RSPO3: variants seen among roughly 807,000 people sequenced by gnomAD.
RSPO3 encodes R-spondin-3.
In RSPO3, 17 loss-of-function variants were observed where a neutral mutation model predicts 36.5. That is an observed-to-expected ratio of 0.47 (90% CI 0.32 to 0.70). The LOEUF (loss-of-function observed/expected upper bound fraction) is 0.70, where lower values mean the gene tolerates loss of function less well. Ranked by LOEUF, RSPO3 falls within the 30% of genes least tolerant of loss-of-function variation. RSPO3 has a pLI of 0.04. For synonymous variants in RSPO3, 108 were observed against 107.0 expected, an observed-to-expected ratio of 1.01 and a Z score of -0.06; for missense variants, 294 against 322.5, an observed-to-expected ratio of 0.91 and a Z score of 0.68.
chr6:127,121,713 G>C (rs1479749402), intron 1 of RSPO3, among the ~76,000 whole-genome samples: 1 of 152,168 alleles, frequency 6.6e-6, no homozygotes, highest in Non-Finnish European at 1.5e-5. Context: ...CACAAACTCA[G>C]ATATACCGTT....
chr6:127,119,269 G>T lies in RSPO3; in HGVS notation c.77G>T (p.Arg26Leu), dbSNP rs376837015. ...TACATCGGCAGCCAAAACGCCTCCC[G>T]GGGAAGGCGCCAGCGAAGAAGTAAG... is the stretch of plus-strand genomic sequence containing the variant. ...MEYIGSQNASRGRRQRRMHPN... is the reference protein window; with the variant it reads ...MEYIGSQNASLGRRQRRMHPN... The change falls in exon 1 of 5, where the codon CGG (arginine) becomes CTG (leucine). Residue 26 changes from arginine (R) to leucine (L), a missense_variant. Around this residue, in one of 3 missense-constraint regions of RSPO3, gnomAD observed 61 missense variants for 51.3 expected, o/e 1.19. Transcript: ENST00000356698. 1.2e-6 allele frequency: 2 copies of T among 1,612,064 alleles called. No homozygotes were observed. The highest frequency in any genetic ancestry group is 1.3e-5 in the African/African-American group (1 of 75,008).
At chr6:127,151,473 T>G (rs965426580) in intron 3 of RSPO3, among the ~76,000 whole-genome samples, 5 of 151,948 alleles carry the variant, frequency 3.3e-5, no homozygotes, top group African/African-American at 1.2e-4. Context: ...GAACCTTTGA[T>G]GCTGCGGTGA....
At chr6:127,125,185 TTAAA>T (rs1284991408) in intron 1 of RSPO3, among the ~76,000 whole-genome samples, 9 of 152,132 alleles carry the variant, frequency 5.9e-5, no homozygotes, top group Admixed American at 5.9e-4. Context: ...GATTGTCCAA[TTAAA>T]TAAATATTTA....
At position 127,197,195 on chromosome 6, in the gene RSPO3, C is replaced by A; in HGVS notation, c.*1188C>A. On this transcript the variant is annotated 3_prime_UTR_variant, in exon 5 of 5. Coordinates refer to ENST00000356698, the MANE Select transcript of RSPO3 (RefSeq NM_032784.5). ...CTCAGTAATATTTGTTTTTTGAATCCACCTTTATCTGAGCCAATGGAGATT... is the reference window on the plus strand; with the variant it reads ...CTCAGTAATATTTGTTTTTTGAATCAACCTTTATCTGAGCCAATGGAGATT... 2.2e-6 allele frequency: 1 copy of A among 453,770 alleles called. No individual in the cohort carries two copies. Among genetic ancestry groups the A allele is most frequent in the Non-Finnish European group, 3.8e-6 (1 of 261,108 alleles). The allele number at this position is 453,770 out of a possible 1,614,324, so 28.1% of individuals were successfully genotyped here.
chr6:127,170,427 C>CCACACA (rs1266971561), intron 4 of RSPO3, among the ~76,000 whole-genome samples: 1 of 113,558 alleles, frequency 8.8e-6, no homozygotes, highest in African/African-American at 3.0e-5. Context: ...CATGGTGGTT[C>CCACACA]CACACATACA....
chr6:127,148,382 A>G (rs750398686), intron 1 of RSPO3, among the ~76,000 whole-genome samples: 6 of 151,580 alleles, frequency 4.0e-5, no homozygotes, highest in Non-Finnish European at 8.8e-5. Context: ...GAGACTATGT[A>G]TACACACACA....
intron 4 of RSPO3, among the ~76,000 whole-genome samples, chr6:127,180,493 A>G (rs866224796): frequency 1.7e-3 from 242 of 141,308 alleles, no homozygotes; most frequent in African/African-American, 6.4e-3. Context: ...AAAACAAAAA[A>G]AAAAAAAAAA....
intron 4 of RSPO3, among the ~76,000 whole-genome samples, chr6:127,188,532 A>C (rs1775342923): frequency 1.3e-5 from 2 of 152,074 alleles, no homozygotes; most frequent in East Asian, 3.9e-4. Flanking sequence ...TAACAGTAGT[A>C]GTCTAATGGA....
At chr6:127,120,456 G>A (rs575593249) in intron 1 of RSPO3, among the ~76,000 whole-genome samples, 28 of 152,358 alleles carry the variant, frequency 1.8e-4, no homozygotes, top group African/African-American at 6.7e-4. Context: ...TCGCACCTCC[G>A]CGGCGTGCAG....
intron 1 of RSPO3, among the ~76,000 whole-genome samples, chr6:127,120,766 A>T (rs192652465): frequency 2.4e-4 from 37 of 152,344 alleles, no homozygotes; most frequent in Non-Finnish European, 5.1e-4. Context: ...GCCGGGCCTC[A>T]CCGCCTTTAG....
At chr6:127,180,085 T>C (rs1448049126) in intron 4 of RSPO3, among the ~76,000 whole-genome samples, 1 of 151,816 alleles carries the variant, frequency 6.6e-6, no homozygotes, top group Non-Finnish European at 1.5e-5. Context: ...TGTAAACAAA[T>C]AAATGCAAAA....
At chr6:127,158,193 T>G (rs1774631477) in intron 4 of RSPO3, among the ~76,000 whole-genome samples, 1 of 152,006 alleles carries the variant, frequency 6.6e-6, no homozygotes, top group Admixed American at 6.6e-5. Context: ...TTATTTTAAG[T>G]AGGGTAAGCA....
At chr6:127,192,303 TTAA>T (rs775041093) in intron 4 of RSPO3, among the ~76,000 whole-genome samples, 14 of 152,252 alleles carry the variant, frequency 9.2e-5, no homozygotes, top group African/African-American at 1.4e-4. Flanking sequence ...GTGCAAGGGG[TTAA>T]TAATATTAGT....
chr6:127,175,141 CATTT>C (rs1440949874), intron 4 of RSPO3, among the ~76,000 whole-genome samples: 2 of 151,730 alleles, frequency 1.3e-5, no homozygotes, highest in African/African-American at 4.8e-5. Context: ...TTCAATAATT[CATTT>C]GTCTCCTAAT....
At chr6:127,159,166 G>C (rs1298143857) in intron 4 of RSPO3, among the ~76,000 whole-genome samples, 1 of 152,132 alleles carries the variant, frequency 6.6e-6, no homozygotes, top group East Asian at 1.9e-4. Context: ...GGGTATATTT[G>C]TGTATGTGGT....
intron 1 of RSPO3, among the ~76,000 whole-genome samples, chr6:127,147,789 G>A (rs1360362705): frequency 6.6e-6 from 1 of 152,074 alleles, no homozygotes; most frequent in Non-Finnish European, 1.5e-5. Context: ...AAGGTAGACT[G>A]GTCCATTCTC....
chr6:127,130,653 C>A (rs929999710), intron 1 of RSPO3, among the ~76,000 whole-genome samples: 5 of 151,958 alleles, frequency 3.3e-5, no homozygotes, highest in Non-Finnish European at 7.4e-5. Context: ...ATAGAAGAAT[C>A]CTAATTTTGG....
intron 4 of RSPO3, among the ~76,000 whole-genome samples, chr6:127,193,351 C>G (rs1775450459): frequency 6.6e-6 from 1 of 152,140 alleles, no homozygotes; most frequent in Non-Finnish European, 1.5e-5. Context: ...CAATCTGTGA[C>G]CAAGGAAGAA....
intron 1 of RSPO3, among the ~76,000 whole-genome samples, chr6:127,121,017 C>A (rs1773834092): frequency 6.6e-6 from 1 of 152,198 alleles, no homozygotes; most frequent in Non-Finnish European, 1.5e-5. Flanking sequence ...CATAGGGAGC[C>A]CGGGCTGGAG....
Sources: allele counts gnomAD v4.1 joint callset (sites outside exome capture counted in the v4.1 genomes callset), GRCh38; gene constraint gnomAD v4.1.1; regional missense constraint gnomAD v4.1.1; transcripts MANE v1.5; gene names NCBI Gene and HGNC (gene_info 2026-07-23, HGNC 2026-07-21).